ZFAND3: variants seen among roughly 807,000 people sequenced by gnomAD.
The protein encoded by ZFAND3 is zinc finger AN1-type containing 3, also known as AN1-type zinc finger protein 3.
Under a neutral mutation model 29.6 loss-of-function variants are expected in ZFAND3, and 10 were observed. The ratio of observed to expected loss-of-function variants is 0.34; its 90% CI spans 0.21 to 0.57. The LOEUF (loss-of-function observed/expected upper bound fraction) is 0.57. Ranked by LOEUF, ZFAND3 falls within the 20% of genes least tolerant of loss-of-function variation. The pLI is 0.86. For synonymous variants in ZFAND3, 128 were observed against 112.6 expected (o/e 1.14, Z -0.87); for missense variants, 230 against 304.5 (o/e 0.76, Z 1.82).
chr6:38,035,958 T>A (rs982754263), intron 2 of ZFAND3, among the ~76,000 whole-genome samples: 14 of 152,206 alleles, frequency 9.2e-5, no homozygotes, highest in African/African-American at 3.4e-4. Flanking sequence ...GGAGACCTTG[T>A]GGCATTTGAG....
At chr6:37,861,215 C>T (rs1379184077) in intron 1 of ZFAND3, among the ~76,000 whole-genome samples, 1 of 152,100 alleles carries the variant, frequency 6.6e-6, no homozygotes, top group Non-Finnish European at 1.5e-5. Context: ...CAAGATCGTG[C>T]CACTGCACTC....
intron 4 of ZFAND3, among the ~76,000 whole-genome samples, chr6:38,109,933 C>A (rs1765282000): frequency 6.6e-6 from 1 of 152,118 alleles, no homozygotes; most frequent in Non-Finnish European, 1.5e-5. Flanking sequence ...AGGACAAAGA[C>A]CTCAAAGCTC....
At chr6:37,909,308 C>G (rs1765476819) in intron 1 of ZFAND3, among the ~76,000 whole-genome samples, 1 of 143,148 alleles carries the variant, frequency 7.0e-6, no homozygotes, top group African/African-American at 2.6e-5. Flanking sequence ...GAGACGGAGT[C>G]TTGCTCTGTC....
chr6:38,122,439 A>G (rs955833000), intron 5 of ZFAND3, among the ~76,000 whole-genome samples: 4 of 152,204 alleles, frequency 2.6e-5, no homozygotes, highest in African/African-American at 9.7e-5. Context: ...TGCGGAACCC[A>G]TGGATATGGA....
intron 2 of ZFAND3, among the ~76,000 whole-genome samples, chr6:38,029,757 A>G (rs898243503): frequency 1.3e-5 from 2 of 152,152 alleles, no homozygotes; most frequent in African/African-American, 4.8e-5. Context: ...AGCGTTGGTG[A>G]GGATGTGAAG....
chr6:37,834,723 T>C (rs940837717), intron 1 of ZFAND3, among the ~76,000 whole-genome samples: 1 of 148,778 alleles, frequency 6.7e-6, no homozygotes, highest in Admixed American at 6.6e-5. Flanking sequence ...TATAATGATA[T>C]ATGCTCATAT....
intron 2 of ZFAND3, among the ~76,000 whole-genome samples, chr6:37,955,796 G>C (rs980432003): frequency 6.6e-6 from 1 of 152,220 alleles, no homozygotes; most frequent in Admixed American, 6.5e-5. Flanking sequence ...CCAGATCAGC[G>C]CAGTAGTATG....
At chr6:38,091,622 G>A (rs766237977) in intron 4 of ZFAND3, among the ~76,000 whole-genome samples, 75 of 151,032 alleles carry the variant, frequency 5.0e-4, no homozygotes, top group Middle Eastern at 6.8e-3. Context: ...AGAAGGAGTG[G>A]GATAGAACAG....
chr6:38,071,293 C>T (rs1406929768), intron 3 of ZFAND3, among the ~76,000 whole-genome samples: 10 of 151,940 alleles, frequency 6.6e-5, no homozygotes, highest in African/African-American at 1.9e-4. Flanking sequence ...CTGTCTGAAT[C>T]GTAGAGTTAT....
intron 1 of ZFAND3, among the ~76,000 whole-genome samples, chr6:37,865,429 TAAAC>T (rs1161606564): frequency 6.6e-6 from 1 of 152,202 alleles, no homozygotes; most frequent in Non-Finnish European, 1.5e-5. Flanking sequence ...GAACCCACAT[TAAAC>T]AGAGAGCTGA....
At chr6:38,102,156 TTCTTCA>T (rs1398306422) in intron 4 of ZFAND3, among the ~76,000 whole-genome samples, 1 of 152,136 alleles carries the variant, frequency 6.6e-6, no homozygotes, top group African/African-American at 2.4e-5. Flanking sequence ...CATCTTCTTC[TTCTTCA>T]TCTTCATCTT....
In ZFAND3 at chr6:37,824,782, T is replaced by C. The variant is rs115304630; in HGVS notation, c.71+4766T>C. ...GTTCATTTTCTTTAGGGAAATAGAT[T>C]TTGTTAGTATTTCATTTTTATAATC... On this transcript the variant is annotated intron_variant, in intron 1 of 5. Coordinates refer to ENST00000287218, the MANE Select transcript of ZFAND3 (RefSeq NM_021943.3). 7.5e-3 allele frequency among the ~76,000 whole-genome samples: 1,143 copies of C among 152,290 alleles called. 11 individuals carry two copies. Among genetic ancestry groups the C allele is most frequent in the African/African-American group, 0.026 (1,089 of 41,568 alleles).
intron 2 of ZFAND3, among the ~76,000 whole-genome samples, chr6:38,051,385 A>G (rs368181013): frequency 5.3e-5 from 8 of 152,224 alleles, no homozygotes; most frequent in Admixed American, 3.9e-4. Context: ...CTACTTTTCT[A>G]TTCTGTTGTC....
At chr6:37,994,703 A>G (rs1234373626) in intron 2 of ZFAND3, among the ~76,000 whole-genome samples, 2 of 151,934 alleles carry the variant, frequency 1.3e-5, no homozygotes, top group Non-Finnish European at 2.9e-5. Context: ...CTTAGTTACA[A>G]CTCTGGCTGG....
chr6:38,060,951 A>G (rs1306827296), intron 2 of ZFAND3, among the ~76,000 whole-genome samples: 1 of 152,002 alleles, frequency 6.6e-6, no homozygotes, highest in Admixed American at 6.6e-5. Context: ...TGTATTTTTG[A>G]TCTGCATTTG....
chr6:37,953,928 A>G lies in ZFAND3; in HGVS notation c.112+23929A>G, dbSNP rs1170489629. 3.3e-5 allele frequency among the ~76,000 whole-genome samples: 5 copies of G among 152,268 alleles called. No individual in the cohort carries two copies. In the East Asian group the frequency reaches 9.6e-4, roughly 29 times the overall value. On this transcript the variant is annotated intron_variant, in intron 2 of 5. Coordinates refer to ENST00000287218, the MANE Select transcript of ZFAND3 (RefSeq NM_021943.3). ...CTTTTGGTAGGGGACTATTGGTGAT[A>G]AATTCTTTCTTTTTTTCTAACTTTG...
chr6:37,916,616 C>T lies in ZFAND3; in HGVS notation c.72-13343C>T, dbSNP rs112060929. 5.1e-4 allele frequency among the ~76,000 whole-genome samples: 78 copies of T among 152,242 alleles called. 1 individual carries two copies. Among genetic ancestry groups the T allele is most frequent in the Admixed American group, 1.0e-3 (16 of 15,294 alleles). On this transcript the variant is annotated intron_variant, in intron 1 of 5. Coordinates refer to ENST00000287218, the MANE Select transcript of ZFAND3 (RefSeq NM_021943.3). ...CAGAGGTTGCAGTGAGCTGAGATTG[C>T]GCCACTGTACTCTAGCCTGGTGACA...
intron 1 of ZFAND3, among the ~76,000 whole-genome samples, chr6:37,829,883 G>A (rs1054579378): frequency 1.3e-5 from 2 of 152,214 alleles, no homozygotes; most frequent in Non-Finnish European, 2.9e-5. Flanking sequence ...ATAAAATCTT[G>A]AGTGAAAATG....
At chr6:37,829,565 T>TG (rs1303097182) in intron 1 of ZFAND3, among the ~76,000 whole-genome samples, 2 of 152,106 alleles carry the variant, frequency 1.3e-5, no homozygotes. Context: ...ATAAAATAAA[T>TG]GGAGAAGTGT....
Sources: gnomAD v4.1 joint callset for allele counts (sites outside exome capture counted in the v4.1 genomes callset) on GRCh38, gnomAD v4.1.1 for gene constraint, MANE v1.5 for transcripts, NCBI Gene and HGNC (gene_info 2026-07-23, HGNC 2026-07-21) for gene names.